Variants in PPP1R14D observed in about 807,000 individuals in gnomAD.
PPP1R14D encodes the protein protein phosphatase 1 regulatory inhibitor subunit 14D.
In PPP1R14D, 14 loss-of-function variants were observed where a neutral mutation model predicts 17.1. That is an observed-to-expected ratio of 0.82 (90% CI 0.54 to 1.28). The LOEUF (loss-of-function observed/expected upper bound fraction) is 1.28, where lower values mean the gene tolerates loss of function less well. Ranked by LOEUF, PPP1R14D falls within the 50% of genes most tolerant of loss-of-function variation. The pLI is 0.00. For missense variants in PPP1R14D, 173 were observed against 179.2 expected, an observed-to-expected ratio of 0.97 and a Z score of 0.20; for synonymous variants, 67 against 66.1, an observed-to-expected ratio of 1.01 and a Z score of -0.06.
rs144270516 is a variant in PPP1R14D, at chr15:40,822,833, A to G, written c.255+5554T>C. On this transcript the variant is annotated intron_variant, in intron 1 of 3. Coordinates refer to ENST00000299174, the MANE Select transcript of PPP1R14D (RefSeq NM_017726.8). ...GGAGTTTTTGTTTTTGTTTTTGAGT[A>G]GGGTCTCATTCTGTCACCCAGGCTG... Among the ~76,000 whole-genome samples, 144 of 151,412 alleles carry G rather than the reference A, an allele frequency of 9.5e-4. 3 individuals are homozygous for G. Among genetic ancestry groups the G allele is most frequent in the African/African-American group, 3.2e-3 (133 of 41,222 alleles).
chr15:40,823,852 G>C (rs553552975), intron 1 of PPP1R14D, among the ~76,000 whole-genome samples: 1 of 151,968 alleles, frequency 6.6e-6, no homozygotes, highest in African/African-American at 2.4e-5. Context: ...TTGAATATAA[G>C]GTATGTGTAT....
Position 40,828,675 on chromosome 15 carries a change from A to G in PPP1R14D, c.-34T>C. On this transcript the variant is annotated 5_prime_UTR_variant, in exon 1 of 4. Coordinates refer to ENST00000299174, the MANE Select transcript of PPP1R14D (RefSeq NM_017726.8). ...TGGTCTGGGCAAGGAGCTGGGAAAA[A>G]CCGCCAGTTCTGAGCAGAGCCACAG... 6.4e-7 allele frequency: 1 copy of G among 1,572,080 alleles called. No homozygotes were observed.
chr15:40,818,469 A>G (rs916534730), intron 1 of PPP1R14D, among the ~76,000 whole-genome samples: 3 of 152,198 alleles, frequency 2.0e-5, no homozygotes, highest in African/African-American at 7.2e-5. Flanking sequence ...CTATCAAGCC[A>G]GGAAGAGTCA....
In PPP1R14D at chr15:40,828,441, C is replaced by A; in HGVS notation, c.201G>T (p.Gln67His). 1 of 1,614,014 alleles carries A rather than the reference C, an allele frequency of 6.2e-7. No individual in the cohort carries two copies. Among genetic ancestry groups the A allele is most frequent in the African/African-American group, 1.3e-5 (1 of 75,052 alleles). ...LTVKYDRGQL[Q>H]RWLEMEQWVD... The stretch of plus-strand genomic sequence containing the variant: ...CCCATTGCTCCATCTCCAGCCAGCG[C>A]TGGAGCTGGCCCCGGTCATACTTCA... The change falls in exon 1 of 4, where the codon CAG (glutamine) becomes CAT (histidine). Residue 67 changes from glutamine to histidine, a missense_variant. Transcript: ENST00000299174.
intron 1 of PPP1R14D, among the ~76,000 whole-genome samples, chr15:40,825,379 CAT>C (rs1043866781): frequency 1.2e-4 from 18 of 152,050 alleles, no homozygotes; most frequent in Admixed American, 3.3e-4. Flanking sequence ...AGAAGAAACT[CAT>C]GTGTGTTTAA....
Position 40,816,241 on chromosome 15 carries a change from G to C in PPP1R14D, c.268C>G (p.Pro90Ala), listed in dbSNP as rs1213756115. ...TCCAGGTCAATCTCAGGCTCAGAAGGGGTTGCTTGATCCTATTTGGAAATC... is the reference window on the plus strand; with the variant it reads ...TCCAGGTCAATCTCAGGCTCAGAAGCGGTTGCTTGATCCTATTTGGAAATC... ...VQELFQDQATPSEPEIDLEAL... is the reference protein window; with the variant it reads ...VQELFQDQATASEPEIDLEAL... The change falls in exon 2 of 4, where the codon CCT becomes GCT. Residue 90 changes from proline (P) to alanine (A), a missense_variant. Transcript: ENST00000299174. 2 of 1,614,076 alleles carry C rather than the reference G, an allele frequency of 1.2e-6. No homozygotes were observed. The highest frequency in any genetic ancestry group is 1.7e-5 in the Admixed American group (1 of 60,004).
intron 1 of PPP1R14D, 28 bp downstream of exon 1, chr15:40,828,359 T>G: frequency 6.5e-7 from 1 of 1,546,838 alleles, no homozygotes; most frequent in South Asian, 1.3e-5. Context: ...GGCCCCCATC[T>G]CCTCCCACTA....
In PPP1R14D at chr15:40,815,453, G is replaced by A. The variant is rs1178223019; in HGVS notation, c.*243C>T. 5.5e-6 allele frequency: 3 copies of A among 544,284 alleles called. No individual in the cohort carries two copies. Among genetic ancestry groups the A allele is most frequent in the East Asian group, 3.0e-5 (1 of 33,354 alleles). The allele number at this position is 544,284 out of a possible 1,614,324, so 33.7% of individuals were successfully genotyped here. ...ATATGTTCCACACTCCATTGAGCTG[G>A]GGCTCCTAAAGGTTTTATCCACTTG... On this transcript the variant is annotated 3_prime_UTR_variant, in exon 4 of 4. Coordinates refer to ENST00000299174, the MANE Select transcript of PPP1R14D (RefSeq NM_017726.8).
chr15:40,820,021 C>T (rs1467740006), intron 1 of PPP1R14D, among the ~76,000 whole-genome samples: 1 of 151,720 alleles, frequency 6.6e-6, no homozygotes, highest in Non-Finnish European at 1.5e-5. Context: ...CATGCGCCAC[C>T]ACGCCTGGCT....
intron 1 of PPP1R14D, among the ~76,000 whole-genome samples, chr15:40,826,796 C>T (rs1041489611): frequency 6.6e-6 from 1 of 152,088 alleles, no homozygotes; most frequent in Non-Finnish European, 1.5e-5. Context: ...AGCAAGATCT[C>T]ATCTCTATAA....
intron 1 of PPP1R14D, among the ~76,000 whole-genome samples, chr15:40,826,579 T>A (rs796412680): frequency 5.9e-5 from 9 of 152,266 alleles, no homozygotes; most frequent in African/African-American, 2.2e-4. Context: ...CTCAAATAAG[T>A]GGCCAGGCTC....
In PPP1R14D at chr15:40,815,606, G is replaced by T; in HGVS notation, c.*90C>A. ...CTCCTTGTCCACATTTCTTGTTTGT[G>T]TCCCAAGGAGCTATTTCCCTCTTAG... On this transcript the variant is annotated 3_prime_UTR_variant, in exon 4 of 4. Transcript: ENST00000299174. 6.8e-7 allele frequency: 1 copy of T among 1,461,314 alleles called. No individual in the cohort carries two copies. The allele number at this position is 1,461,314 out of a possible 1,614,324, so 90.5% of individuals were successfully genotyped here. A position where few individuals can be genotyped will look rare whatever the true frequency, so the allele number is the denominator to read the frequency against.
intron 1 of PPP1R14D, chr15:40,817,264 G>A (rs776711678): frequency 6.6e-6 from 2 of 302,664 alleles, no homozygotes; most frequent in South Asian, 4.7e-5. Context: ...AGCTGAGGCA[G>A]GAGAATCGAT....
chr15:40,816,845 G>A (rs773568861), intron 1 of PPP1R14D, among the ~76,000 whole-genome samples: 7 of 152,110 alleles, frequency 4.6e-5, no homozygotes, highest in African/African-American at 7.2e-5. Flanking sequence ...GCTGAGGTGG[G>A]TGGATTATTT....
chr15:40,826,626 T>G (rs2141990160), intron 1 of PPP1R14D, among the ~76,000 whole-genome samples: 1 of 152,300 alleles, frequency 6.6e-6, no homozygotes, highest in East Asian at 1.9e-4. Context: ...TGTGTGACCT[T>G]GGGCAAGTTA....
intron 1 of PPP1R14D, among the ~76,000 whole-genome samples, chr15:40,818,608 A>C (rs901472673): frequency 3.4e-5 from 5 of 145,416 alleles, no homozygotes; most frequent in Non-Finnish European, 7.3e-5. Flanking sequence ...CAAAAAAAAG[A>C]AGAAGCCAAC....
At chr15:40,822,133 G>A (rs2141987769) in intron 1 of PPP1R14D, among the ~76,000 whole-genome samples, 1 of 151,906 alleles carries the variant, frequency 6.6e-6, no homozygotes, top group Non-Finnish European at 1.5e-5. Flanking sequence ...AACATTTTAA[G>A]TTTATAATGT....
intron 1 of PPP1R14D, among the ~76,000 whole-genome samples, chr15:40,819,345 C>T (rs140259739): frequency 9.1e-4 from 139 of 152,104 alleles, no homozygotes; most frequent in African/African-American, 3.2e-3. Flanking sequence ...GTCAGGAGTT[C>T]GAGACCAGCC....
At chr15:40,816,044 C>G in intron 2 of PPP1R14D, 50 bp from the exon 3 acceptor site, 3 of 1,608,798 alleles carry the variant, frequency 1.9e-6, no homozygotes, top group Non-Finnish European at 2.6e-6. Flanking sequence ...CACTTTCCCG[C>G]AAGTCCCCAC....
Sources: allele counts gnomAD v4.1 joint callset (sites outside exome capture counted in the v4.1 genomes callset), GRCh38; gene constraint gnomAD v4.1.1; transcripts MANE v1.5; gene names NCBI Gene and HGNC (gene_info 2026-07-23, HGNC 2026-07-21).